The following RPP14 variants were observed in gnomAD, a reference collection of about 807,000 sequenced individuals.
RPP14 encodes ribonuclease P/MRP subunit p14, also known as ribonuclease P protein subunit p14.
A neutral mutation model predicts 17.8 loss-of-function variants in RPP14; 19 were observed. The ratio of observed to expected loss-of-function variants is 1.07; its 90% CI spans 0.74 to 1.57. RPP14 has a LOEUF of 1.57. Among genes scored for constraint, RPP14 ranks in the 40% most tolerant of loss-of-function variants. The probability of loss-of-function intolerance (pLI) is 0.00; values close to 1 mark genes in which losing one functional copy is unlikely to be tolerated. For missense variants in RPP14, 125 were observed against 140.8 expected, an observed-to-expected ratio of 0.89 and a Z score of 0.57; for synonymous variants, 60 against 56.4, an observed-to-expected ratio of 1.06 and a Z score of -0.29.
Position 58,312,685 on chromosome 3 carries a change from G to A in RPP14, c.162+2094G>A, listed in dbSNP as rs545061165. ...ATGAGAAAGTCTCCTTATGGGCCAG[G>A]CGCAGTGGCTCACTCCTATAATCCC... is the stretch of plus-strand genomic sequence containing the variant. On this transcript the variant is annotated intron_variant, in intron 3 of 5. Transcript: ENST00000295959. 3.3e-5 allele frequency among the ~76,000 whole-genome samples: 5 copies of A among 152,212 alleles called. No homozygotes were observed. The South Asian group carries it at 1.0e-3, about 32-fold the overall frequency.
At chr3:58,306,523 C>A (rs1286754935) in intron 1 of RPP14, 106 bp downstream of exon 1, 1 of 152,222 alleles carries the variant, frequency 6.6e-6, no homozygotes, top group African/African-American at 2.4e-5. Flanking sequence ...GTAGCTTGTC[C>A]TCTCCGACCC....
At chr3:58,316,432 A>G (rs1338236448) in intron 3 of RPP14, 83 bp from the exon 4 acceptor site, 9 of 1,305,418 alleles carry the variant, frequency 6.9e-6, no homozygotes, top group Middle Eastern at 1.8e-4. Flanking sequence ...AGAAAAGCTC[A>G]AAACTCATTT....
chr3:58,310,965 CA>C (rs3038127), intron 3 of RPP14, among the ~76,000 whole-genome samples: 17,320 of 142,554 alleles, frequency 0.12, 1,438 homozygotes, highest in African/African-American at 0.24. Context: ...TTTCAAACAT[CA>C]AAAAAAAAAA....
At chr3:58,309,817 G>A (rs556543007) in intron 1 of RPP14, among the ~76,000 whole-genome samples, 14 of 151,940 alleles carry the variant, frequency 9.2e-5, no homozygotes, top group African/African-American at 2.7e-4. Context: ...GCTTGAATCC[G>A]CGAGGCAGAG....
Position 58,310,528 on chromosome 3 carries a change from T to C in RPP14, c.99T>C (p.Val33=). 2 of 1,611,846 alleles carry C rather than the reference T, an allele frequency of 1.2e-6. No individual in the cohort carries two copies. The highest frequency in any genetic ancestry group is 1.7e-6 in the Non-Finnish European group (2 of 1,179,432). ...KVCLEFQDCG[V]GLNAAQFKQL... is the part of the protein sequence containing the mutation. The stretch of plus-strand genomic sequence containing the variant: ...TTAGAGAATTTCAAGATTGTGGAGT[T>C]GGACTGAATGCTGCACAGTTCAAAC... Residue 33 remains valine (V), a synonymous_variant, in exon 3 of 6, where the codon GTT becomes GTC. Transcript: ENST00000295959.
chr3:58,317,508 T>C lies in RPP14; in HGVS notation c.*12T>C. On this transcript the variant is annotated 3_prime_UTR_variant, in exon 6 of 6. Coordinates refer to ENST00000295959, the MANE Select transcript of RPP14 (RefSeq NM_007042.6). ...TAGTATTGGATTGAATGAATAGTCT[T>C]CCATTTTGGAAACGTTCATCCACTC... 6.4e-7 allele frequency: 1 copy of C among 1,554,262 alleles called. No individual in the cohort carries two copies. The highest frequency in any genetic ancestry group is 8.9e-7 in the Non-Finnish European group (1 of 1,129,612).
rs768924121 is a variant in RPP14 at position 58,316,956 on chromosome 3, C to G, written c.281C>G (p.Ser94Cys). Residue 94 changes from serine (S) to cysteine (C), a missense_variant, in exon 5 of 6, where the codon TCC becomes TGC. Physicochemically the swap from Ser to Cys is moderately radical, Grantham distance 112 (BLOSUM62 -1). Coordinates refer to ENST00000295959, the MANE Select transcript of RPP14 (RefSeq NM_007042.6). Reference sequence around the variant, plus strand: ...TGGAGCTCTTTGACCCTGTTAGGATCCTATAAAGGCAAAAAATGTGCTTTC... The same window carrying G: ...TGGAGCTCTTTGACCCTGTTAGGATGCTATAAAGGCAAAAAATGTGCTTTC... Reference protein sequence around the residue: ...KLWSSLTLLGSYKGKKCAFRV... With the variant: ...KLWSSLTLLGCYKGKKCAFRV... 2 of 1,613,866 alleles carry G rather than the reference C, an allele frequency of 1.2e-6. No individual in the cohort carries two copies. Among genetic ancestry groups the G allele is most frequent in the East Asian group, 4.5e-5 (2 of 44,858 alleles).
chr3:58,317,103 G>T (rs1286197585), intron 5 of RPP14, 110 bp downstream of exon 5: 2 of 773,356 alleles, frequency 2.6e-6, no homozygotes, highest in African/African-American at 1.7e-5. Flanking sequence ...TGGTTAAAAT[G>T]ATCTAAGTAG....
At position 58,310,374 on chromosome 3, in the gene RPP14, C is replaced by T. The variant is rs751456439; in HGVS notation, c.45C>T (p.Asn15=). The part of the protein sequence containing the change: ...AATYERVVYK[N]PSEYHYMKVC... ...CATATGAAAGAGTAGTTTACAAAAACCCTTCCGAGTACCACTACATGAAAG... is the reference window on the plus strand; with the variant it reads ...CATATGAAAGAGTAGTTTACAAAAATCCTTCCGAGTACCACTACATGAAAG... The change falls in exon 2 of 6, where the codon AAC becomes AAT. Residue 15 remains asparagine, a synonymous_variant. Transcript: ENST00000295959. 7 of 1,614,060 alleles carry T rather than the reference C, an allele frequency of 4.3e-6. No homozygotes were observed. The African/African-American group carries it at 8.0e-5, about 18-fold the overall frequency.
chr3:58,314,963 G>C (rs887218940), intron 3 of RPP14, among the ~76,000 whole-genome samples: 1 of 152,086 alleles, frequency 6.6e-6, no homozygotes, highest in African/African-American at 2.4e-5. Context: ...GGGATTACAG[G>C]TGTGAGCCAC....
At position 58,317,852 on chromosome 3, in the gene RPP14, A is replaced by T. The variant is rs528387751; in HGVS notation, c.*356A>T. 7.1e-6 allele frequency: 5 copies of T among 703,048 alleles called. No homozygotes were observed. In the Admixed American group the frequency reaches 1.0e-4, roughly 14 times the overall value. The allele number at this position is 703,048 out of a possible 1,614,324, so 43.6% of individuals were successfully genotyped here. A position where few individuals can be genotyped will look rare whatever the true frequency, so the allele number is the denominator to read the frequency against. Reference sequence around the variant, plus strand: ...TTTGCAAAACACACCAAGTTTGGAAATACAATTGTACATGGAGTTTTGATC... The same window carrying T: ...TTTGCAAAACACACCAAGTTTGGAATTACAATTGTACATGGAGTTTTGATC... On this transcript the variant is annotated 3_prime_UTR_variant, in exon 6 of 6. Coordinates refer to ENST00000295959, the MANE Select transcript of RPP14 (RefSeq NM_007042.6).
intron 3 of RPP14, among the ~76,000 whole-genome samples, chr3:58,315,276 A>G (rs569438848): frequency 6.6e-6 from 1 of 152,292 alleles, no homozygotes; most frequent in East Asian, 1.9e-4. Context: ...AGCGAAAAAA[A>G]GCCAATCCCA....
rs570491114 is a variant in RPP14, at chr3:58,311,969, C to T, written c.162+1378C>T. ...CTCACTACAGCCTCAACCTCCCAAG[C>T]TCAAGTGATTCTCCCACCTCAGTAT... On this transcript the variant is annotated intron_variant, in intron 3 of 5. Transcript: ENST00000295959. 2.6e-5 allele frequency among the ~76,000 whole-genome samples: 4 copies of T among 152,218 alleles called. No individual in the cohort carries two copies. The East Asian group carries it at 7.7e-4, about 29-fold the overall frequency.
intron 3 of RPP14, among the ~76,000 whole-genome samples, chr3:58,313,987 G>A (rs983977122): frequency 6.6e-6 from 1 of 152,232 alleles, no homozygotes; most frequent in East Asian, 1.9e-4. Context: ...AGGAGTTTGA[G>A]GCTGGCTGTG....
In RPP14 at chr3:58,319,782, C is replaced by CTTTTGTTTCCCATTTTT. The variant is rs1269262721; in HGVS notation, c.*2298_*2314dup. The CTTTTGTTTCCCATTTTT allele has an allele frequency of 1.3e-5, 2 of 152,026 alleles. No individual in the cohort carries two copies. The highest frequency in any genetic ancestry group is 2.9e-5 in the Non-Finnish European group (2 of 68,008). The allele number at this position is 152,026 out of a possible 1,614,324, so 9.4% of individuals were successfully genotyped here. Reference sequence around the variant, plus strand: ...AATGGCCATCCCAACACAGCCAACACTTTTGTTTCCCATTTTTTTTTGTTT... The same window carrying CTTTTGTTTCCCATTTTT: ...AATGGCCATCCCAACACAGCCAACACTTTTGTTTCCCATTTTTTTTTGTTTCCCATTTTTTTTTGTTT... On this transcript the variant is annotated 3_prime_UTR_variant, in exon 6 of 6. Coordinates refer to ENST00000295959, the MANE Select transcript of RPP14 (RefSeq NM_007042.6).
At chr3:58,307,907 T>A (rs1165556503) in intron 1 of RPP14, 1 of 151,390 alleles carries the variant, frequency 6.6e-6, no homozygotes, top group East Asian at 2.0e-4. Context: ...TGACATAAAA[T>A]TTATCGTAAG....
At chr3:58,310,710 T>C (rs142206539) in intron 3 of RPP14, 119 bp downstream of exon 3, 125 of 748,546 alleles carry the variant, frequency 1.7e-4, no homozygotes, top group Middle Eastern at 1.6e-3. Flanking sequence ...GGTGGGCAGA[T>C]CATGAGGTCA....
At chr3:58,312,871 G>C (rs2097483804) in intron 3 of RPP14, among the ~76,000 whole-genome samples, 1 of 147,942 alleles carries the variant, frequency 6.8e-6, no homozygotes, top group Non-Finnish European at 1.5e-5. Flanking sequence ...TGAGGCAGGA[G>C]AATTGCTTGA....
chr3:58,319,625 C>G lies in RPP14; in HGVS notation c.*2129C>G, dbSNP rs1032305702. 3 of 96,862 alleles carry G rather than the reference C, an allele frequency of 3.1e-5. No homozygotes were observed. The highest frequency in any genetic ancestry group is 5.9e-5 in the Non-Finnish European group (3 of 50,876). 6.0% of individuals were successfully genotyped at this position (96,862 alleles called of 1,614,324 possible). On this transcript the variant is annotated 3_prime_UTR_variant, in exon 6 of 6. Transcript: ENST00000295959. ...CTCCCATTATTATGAGTAATACATG[C>G]TTATAGTAAAAAAAAAAAAATTGTA...
Sources: gnomAD v4.1 joint callset for allele counts (sites outside exome capture counted in the v4.1 genomes callset) on GRCh38, gnomAD v4.1.1 for gene constraint, MANE v1.5 for transcripts, NCBI Gene and HGNC (gene_info 2026-07-23, HGNC 2026-07-21) for gene names.